The following PLB1 variants were observed in gnomAD, a reference collection of about 807,000 sequenced individuals.
PLB1 encodes phospholipase B1, membrane-associated.
PLB1 carries 242 observed loss-of-function variants against 227.4 expected under a neutral mutation model. The observed-to-expected ratio is 1.06, with a 90% CI of 0.96 to 1.18. PLB1 has a LOEUF of 1.18. Ranked by LOEUF, PLB1 falls within the 50% of genes most tolerant of loss-of-function variation. The probability of loss-of-function intolerance (pLI) is 0.00; values close to 1 mark genes in which losing one functional copy is unlikely to be tolerated. For synonymous variants in PLB1, 757 were observed against 682.2 expected, an observed-to-expected ratio of 1.11 and a Z score of -1.71; for missense variants, 1,858 against 1,816.3, an observed-to-expected ratio of 1.02 and a Z score of -0.42.
In PLB1 at chr2:28,590,074, C is replaced by G. The variant is rs553038502; in HGVS notation, c.2086C>G (p.Gln696Glu). The stretch of plus-strand genomic sequence containing the variant: ...CAAGATCAATATCACATGTCCGAAC[C>G]AGGTAGAGTGGAAAGCACGTCCTTC... Reference protein sequence around the residue: ...ENKINITCPNQVQPFLRTYKN... With the variant: ...ENKINITCPNEVQPFLRTYKN... The change falls in exon 29 of 58, where the codon CAG (glutamine) becomes GAG (glutamate). Residue 696 changes from glutamine (Q) to glutamate (E), a missense_variant and splice_region_variant. Physicochemically the swap from Gln to Glu is conservative, Grantham distance 29. Transcript: ENST00000327757. 32 of 1,610,944 alleles carry G rather than the reference C, an allele frequency of 2.0e-5. 2 individuals are homozygous for G. The South Asian group carries it at 3.5e-4, about 18-fold the overall frequency.
At chr2:28,548,188 A>G (rs1016265056) in intron 14 of PLB1, among the ~76,000 whole-genome samples, 2 of 152,162 alleles carry the variant, frequency 1.3e-5, no homozygotes, top group Non-Finnish European at 2.9e-5. Flanking sequence ...AAAGCTGTGA[A>G]AGCAGTTCTC....
chr2:28,585,591 A>G, intron 25 of PLB1, 170 bp from the exon 26 acceptor site: 1 of 602,578 alleles, frequency 1.7e-6, no homozygotes, highest in Non-Finnish European at 3.0e-6. Context: ...AATCTTCTTT[A>G]GCTTCGTTTG....
At chr2:28,585,069 A>G (rs4665428) in intron 25 of PLB1, among the ~76,000 whole-genome samples, 43,205 of 152,046 alleles carry the variant, frequency 0.28, 6,575 homozygotes, top group African/African-American at 0.38. Context: ...ACAGTGTTCA[A>G]TGTTAATTAT....
intron 53 of PLB1, 97 bp from the exon 54 acceptor site, chr2:28,630,488 TG>T: frequency 2.0e-6 from 2 of 1,012,606 alleles, no homozygotes; most frequent in Non-Finnish European, 3.0e-6. Context: ...TGCAGGCCCC[TG>T]GGGTAGTGGC....
chr2:28,622,841 G>A lies in PLB1; in HGVS notation c.3527+1863G>A, dbSNP rs147853780. Among the ~76,000 whole-genome samples the A allele has an allele frequency of 1.3e-3, 193 of 152,302 alleles. 4 individuals carry two copies. Among genetic ancestry groups the A allele is most frequent in the African/African-American group, 4.4e-3 (184 of 41,560 alleles). Reference sequence around the variant, plus strand: ...GTGGAGGCTGCAGTGAGCCAAGATCGTGCCATTGCACTCCAGCCCGGATAA... The same window carrying A: ...GTGGAGGCTGCAGTGAGCCAAGATCATGCCATTGCACTCCAGCCCGGATAA... On this transcript the variant is annotated intron_variant, in intron 49 of 57. Transcript: ENST00000327757.
In PLB1 at chr2:28,525,108, C is replaced by T. The variant is rs142338170; in HGVS notation, c.244-159C>T. ...ACGTGATCCTCCCTGTGCTCAGCCT[C>T]CCAAAGTGCTGGGATTACAGGTGTG... On this transcript the variant is annotated intron_variant, in intron 4 of 57. Coordinates refer to ENST00000327757, the MANE Select transcript of PLB1 (RefSeq NM_153021.5). Among the ~76,000 whole-genome samples the T allele has an allele frequency of 1.1e-4, 17 of 152,248 alleles. No individual in the cohort carries two copies. In the East Asian group the frequency reaches 2.7e-3, roughly 24 times the overall value.
At chr2:28,572,560 C>T (rs549526139) in intron 20 of PLB1, among the ~76,000 whole-genome samples, 1 of 152,326 alleles carries the variant, frequency 6.6e-6, no homozygotes, top group East Asian at 1.9e-4. Context: ...AGTGGAATAT[C>T]ATTCAGCAAT....
intron 26 of PLB1, among the ~76,000 whole-genome samples, chr2:28,587,342 G>A (rs1468876217): frequency 2.0e-5 from 3 of 152,324 alleles, no homozygotes; most frequent in East Asian, 1.9e-4. Context: ...AATGCTGGGC[G>A]TGGTGACTCA....
chr2:28,508,402 C>T (rs147772162), intron 1 of PLB1, among the ~76,000 whole-genome samples: 97 of 152,280 alleles, frequency 6.4e-4, no homozygotes, highest in Non-Finnish European at 1.3e-3. Flanking sequence ...GGCCAAGCAC[C>T]ACACTGACAG....
At chr2:28,628,724 A>C (rs893937555) in intron 52 of PLB1, 96 bp downstream of exon 52, 435 of 1,190,492 alleles carry the variant, frequency 3.7e-4, no homozygotes, top group East Asian at 8.4e-4. Context: ...CGGAGCAGAG[A>C]CCCGCCATGA....
chr2:28,632,615 C>T (rs570377642), intron 55 of PLB1, among the ~76,000 whole-genome samples: 2 of 152,004 alleles, frequency 1.3e-5, no homozygotes, highest in South Asian at 2.1e-4. Context: ...GGTGAAACCC[C>T]GTTTCTACTA....
chr2:28,572,005 A>G (rs559133005), intron 20 of PLB1, among the ~76,000 whole-genome samples: 15 of 152,364 alleles, frequency 9.8e-5, no homozygotes, highest in Non-Finnish European at 2.1e-4. Context: ...GGAAGAAAAC[A>G]CTTGCCAATC....
At chr2:28,627,761 GCTGCCTGAGCTCTCCCCTC>G (rs1179361988) in intron 51 of PLB1, among the ~76,000 whole-genome samples, 1 of 152,138 alleles carries the variant, frequency 6.6e-6, no homozygotes, top group Non-Finnish European at 1.5e-5. Context: ...AAAATAATGG[GCTGCCTGAGCTCTCCCCTC>G]CTGCCTGAGT....
At chr2:28,517,956 C>G (rs1669045215) in intron 2 of PLB1, among the ~76,000 whole-genome samples, 1 of 151,122 alleles carries the variant, frequency 6.6e-6, no homozygotes. Flanking sequence ...CTCATGGCAG[C>G]CTTCGCCTCC....
chr2:28,591,278 A>G, intron 30 of PLB1, 107 bp downstream of exon 30: 1 of 1,435,264 alleles, frequency 7.0e-7, no homozygotes, highest in East Asian at 2.3e-5. Context: ...AGAGTTCTAG[A>G]TGGGCATAAA....
rs1168134155 is a variant in PLB1, at chr2:28,540,586, G to C, written c.774+145G>C. The C allele has an allele frequency of 4.4e-6, 3 of 676,582 alleles. No homozygotes were observed. In the East Asian group the frequency reaches 8.2e-5, roughly 18 times the overall value. 41.9% of individuals were successfully genotyped at this position (676,582 alleles called of 1,614,324 possible). A position where few individuals can be genotyped will look rare whatever the true frequency, so the allele number is the denominator to read the frequency against. On this transcript the variant is annotated intron_variant, in intron 12 of 57. Transcript: ENST00000327757. ...TTCAGGACTAAGTCAGGAGCAAAGA[G>C]AGCTACTCTTGCTTCACATCGTGGT...
rs187698203 is a variant in PLB1 at position 28,636,480 on chromosome 2, A to G, written c.4098+3441A>G. Among the ~76,000 whole-genome samples, 455 of 152,294 alleles carry G rather than the reference A, an allele frequency of 3.0e-3. 4 individuals carry two copies. Among genetic ancestry groups the G allele is most frequent in the African/African-American group, 0.01 (416 of 41,546 alleles). On this transcript the variant is annotated intron_variant, in intron 56 of 57. Coordinates refer to ENST00000327757, the MANE Select transcript of PLB1 (RefSeq NM_153021.5). ...ATCCAAGGATTTCACTCCTAGGTAT[A>G]TCCCCAAAAGAAAGGTATATATGTG...
chr2:28,573,848 T>C (rs891261768), intron 21 of PLB1, among the ~76,000 whole-genome samples: 28 of 152,210 alleles, frequency 1.8e-4, no homozygotes, highest in African/African-American at 6.8e-4. Flanking sequence ...TCAAATGCCA[T>C]ATTGGATACG....
intron 1 of PLB1, among the ~76,000 whole-genome samples, chr2:28,503,200 T>G (rs1215138392): frequency 6.6e-6 from 1 of 152,170 alleles, no homozygotes; most frequent in African/African-American, 2.4e-5. Context: ...CTGTCCAGGT[T>G]GGAGTGCAGT....
Sources: allele counts gnomAD v4.1 joint callset (sites outside exome capture counted in the v4.1 genomes callset), GRCh38; gene constraint gnomAD v4.1.1; transcripts MANE v1.5; gene names NCBI Gene and HGNC (gene_info 2026-07-23, HGNC 2026-07-21).